The following SLC67A2 variants were observed in gnomAD, a reference collection of about 807,000 sequenced individuals.
SLC67A2 encodes solute carrier family 67 member 2.
the SLC67A2 span, among the ~76,000 whole-genome samples, chr2:102,724,244 G>A: frequency 2.0e-5 from 3 of 152,052 alleles, no homozygotes; most frequent in African/African-American, 7.2e-5. Context: ...TGCATTTCAC[G>A]GTGGCTTCCA....
the SLC67A2 span, among the ~76,000 whole-genome samples, chr2:102,715,261 G>A: frequency 6.6e-6 from 1 of 152,132 alleles, no homozygotes; most frequent in African/African-American, 2.4e-5. Flanking sequence ...CCCTTCATCC[G>A]TCAATACAAT....
chr2:102,715,708 T>C, the SLC67A2 span: 2 of 152,154 alleles, frequency 1.3e-5, no homozygotes, highest in African/African-American at 2.4e-5. Flanking sequence ...TAAGATTCCA[T>C]AGAATAGTGA....
At chr2:102,731,969 T>C in the SLC67A2 span, 2 of 364,250 alleles carry the variant, frequency 5.5e-6, no homozygotes, top group Middle Eastern at 3.7e-4. Flanking sequence ...TATGTTTCCC[T>C]GGTCTCTCAC....
At chr2:102,729,009 C>T in the SLC67A2 span, among the ~76,000 whole-genome samples, 2 of 152,102 alleles carry the variant, frequency 1.3e-5, no homozygotes. Context: ...TATTTAAAAA[C>T]ATTAGCCAAA....
chr2:102,720,474 C>A, the SLC67A2 span, among the ~76,000 whole-genome samples: 1 of 152,190 alleles, frequency 6.6e-6, no homozygotes, highest in Non-Finnish European at 1.5e-5. Context: ...CACCCACCTA[C>A]CCATCCATCT....
the SLC67A2 span, among the ~76,000 whole-genome samples, chr2:102,734,825 T>C: frequency 6.6e-6 from 1 of 152,196 alleles, no homozygotes; most frequent in Admixed American, 6.5e-5. Flanking sequence ...AGAAAACATA[T>C]GATAAATTGT....
At chr2:102,729,108 A>G in the SLC67A2 span, among the ~76,000 whole-genome samples, 1 of 152,246 alleles carries the variant, frequency 6.6e-6, no homozygotes, top group Non-Finnish European at 1.5e-5. Context: ...ATGTGCTTAC[A>G]GAAGTATGGG....
At chr2:102,722,468 A>G in the SLC67A2 span, among the ~76,000 whole-genome samples, 1 of 152,254 alleles carries the variant, frequency 6.6e-6, no homozygotes, top group South Asian at 2.1e-4. Flanking sequence ...GAGATTGCAT[A>G]GTCTTCTTTC....
At chr2:102,731,138 A>G in the SLC67A2 span, 14 of 1,311,970 alleles carry the variant, frequency 1.1e-5, no homozygotes, top group South Asian at 1.6e-4. Flanking sequence ...TGTGATAACA[A>G]TTACACAGAA....
the SLC67A2 span, among the ~76,000 whole-genome samples, chr2:102,728,755 C>T: frequency 2.6e-5 from 4 of 152,150 alleles, no homozygotes; most frequent in Non-Finnish European, 4.4e-5. Context: ...ACCATGACCT[C>T]GGACATATGA....
At chr2:102,716,082 G>A in the SLC67A2 span, 1 of 152,286 alleles carries the variant, frequency 6.6e-6, no homozygotes, top group South Asian at 2.1e-4. Flanking sequence ...AAGGAGTCAT[G>A]AGAAAAGGTG....
At chr2:102,718,860 T>G in the SLC67A2 span, 5 of 1,614,044 alleles carry the variant, frequency 3.1e-6, no homozygotes, top group Non-Finnish European at 4.2e-6. Flanking sequence ...CCCAGCATGC[T>G]GCTGTAACTG....
the SLC67A2 span, chr2:102,731,122 G>T: frequency 6.9e-7 from 1 of 1,446,164 alleles, no homozygotes; most frequent in Non-Finnish European, 9.7e-7. Flanking sequence ...CACAAAAATG[G>T]ATTAATGTGA....
chr2:102,719,717 A>G, the SLC67A2 span, among the ~76,000 whole-genome samples: 2,304 of 152,250 alleles, frequency 0.015, 64 homozygotes, highest in African/African-American at 0.053. Flanking sequence ...ACCTAAAAAG[A>G]GGTTCAGATA....
the SLC67A2 span, among the ~76,000 whole-genome samples, chr2:102,734,558 T>C: frequency 6.6e-6 from 1 of 152,102 alleles, no homozygotes; most frequent in Non-Finnish European, 1.5e-5. Flanking sequence ...AAAAACTAAA[T>C]TATGTATAAT....
chr2:102,736,852 C>T, the SLC67A2 span: 2 of 1,558,174 alleles, frequency 1.3e-6, no homozygotes, highest in African/African-American at 2.7e-5. Context: ...CAGCCGCGGA[C>T]CTACCCCGGG....
At chr2:102,718,368 G>A in the SLC67A2 span, 104 of 1,595,668 alleles carry the variant, frequency 6.5e-5, no homozygotes, top group South Asian at 2.0e-4. Flanking sequence ...CATGGCCTCC[G>A]GCCCTCATTC....
At chr2:102,736,634 G>T in the SLC67A2 span, 1 of 1,613,816 alleles carries the variant, frequency 6.2e-7, no homozygotes, top group African/African-American at 1.3e-5. Flanking sequence ...CAGCCCCCAC[G>T]CTCGCACTCA....
At chr2:102,732,102 G>A in the SLC67A2 span, 3 of 654,188 alleles carry the variant, frequency 4.6e-6, no homozygotes, top group South Asian at 3.0e-5. Context: ...CTTGGTTATA[G>A]TGCTCAAATC....
Sources: gnomAD v4.1 joint callset for allele counts (sites outside exome capture counted in the v4.1 genomes callset) on GRCh38, gnomAD v4.1.1 for gene constraint, MANE v1.5 for transcripts, NCBI Gene and HGNC (gene_info 2026-07-23, HGNC 2026-07-21) for gene names.